The following VPS53 variants were observed in gnomAD, a reference collection of about 807,000 sequenced individuals.
VPS53 encodes vacuolar protein sorting-associated protein 53 homolog.
Under a neutral mutation model 107.0 loss-of-function variants are expected in VPS53, and 70 were observed. The observed-to-expected ratio is 0.65, with a 90% CI of 0.54 to 0.80. The LOEUF is 0.80. Among genes scored for constraint, VPS53 ranks in the 30% least tolerant of loss-of-function variants. The probability of loss-of-function intolerance (pLI) is 0.00; values close to 1 mark genes in which losing one functional copy is unlikely to be tolerated. For missense variants in VPS53, 917 were observed against 1,049.4 expected (o/e 0.87, Z 1.74); for synonymous variants, 409 against 393.3 (o/e 1.04, Z -0.47).
rs140945957 is a variant in VPS53 at position 523,946 on chromosome 17, G to C, written c.2086-2208C>G. ...TGCTGCTTTTCCTCGGAGGAACCCA[G>C]AACAAGCCTCTAAAGCATTCTAGGT... On this transcript the variant is annotated intron_variant, in intron 19 of 21. Transcript: ENST00000437048. 1.7e-4 allele frequency among the ~76,000 whole-genome samples: 26 copies of C among 152,266 alleles called. No homozygotes were observed. The East Asian group carries it at 4.1e-3, about 24-fold the overall frequency.
intron 7 of VPS53, among the ~76,000 whole-genome samples, chr17:639,124 T>G (rs1407283493): frequency 1.3e-5 from 2 of 152,206 alleles, no homozygotes; most frequent in Non-Finnish European, 2.9e-5. Flanking sequence ...TTCTTTTTAC[T>G]CTTTATTCTC....
intron 13 of VPS53, among the ~76,000 whole-genome samples, chr17:583,389 G>A (rs12948432): frequency 6.7e-6 from 1 of 148,540 alleles, no homozygotes; most frequent in African/African-American, 2.5e-5. Context: ...GACCTAATGC[G>A]TTCCCAGAGA....
intron 4 of VPS53, chr17:674,948 G>A (rs1004347403): frequency 6.6e-6 from 1 of 152,184 alleles, no homozygotes; most frequent in African/African-American, 2.4e-5. Flanking sequence ...CATGTGAATC[G>A]AGTAAATCAA....
chr17:628,806 G>A (rs1379160179), intron 8 of VPS53, among the ~76,000 whole-genome samples: 1 of 152,234 alleles, frequency 6.6e-6, no homozygotes, highest in Non-Finnish European at 1.5e-5. Context: ...GGCAGCCAAA[G>A]AGAAAATGCT....
chr17:619,969 C>T (rs917316496), intron 11 of VPS53, among the ~76,000 whole-genome samples: 4 of 151,622 alleles, frequency 2.6e-5, no homozygotes, highest in East Asian at 1.9e-4. Context: ...TACAGGCGTG[C>T]GCCACCACGC....
intron 13 of VPS53, among the ~76,000 whole-genome samples, chr17:578,454 C>T (rs1168344068): frequency 2.0e-5 from 3 of 150,822 alleles, no homozygotes; most frequent in Non-Finnish European, 4.4e-5. Context: ...TCCCTCAGAA[C>T]CTAATTCCTT....
At chr17:672,381 C>T (rs919559880) in intron 4 of VPS53, among the ~76,000 whole-genome samples, 1 of 152,096 alleles carries the variant, frequency 6.6e-6, no homozygotes, top group Non-Finnish European at 1.5e-5. Context: ...TCTTCTGCAA[C>T]CAAGAGAGTC....
intron 1 of VPS53, chr17:714,020 G>C (rs543041310): frequency 1.4e-4 from 21 of 149,302 alleles, no homozygotes; most frequent in African/African-American, 5.2e-4. Context: ...ACTCCAGCCC[G>C]GGCGACAGAG....
At chr17:699,414 G>A (rs763048406) in intron 2 of VPS53, 34 bp from the exon 3 acceptor site, 1 of 1,511,922 alleles carries the variant, frequency 6.6e-7, no homozygotes, top group Non-Finnish European at 8.8e-7. Flanking sequence ...CCAGCTGTTA[G>A]TCCACTTCCT....
At chr17:663,475 TG>T (rs1971556086) in intron 4 of VPS53, among the ~76,000 whole-genome samples, 3 of 152,078 alleles carry the variant, frequency 2.0e-5, no homozygotes, top group Admixed American at 2.0e-4. Flanking sequence ...CCCACAGACG[TG>T]TATCGACCAC....
At chr17:689,175 G>A (rs914004401) in intron 4 of VPS53, among the ~76,000 whole-genome samples, 4 of 152,196 alleles carry the variant, frequency 2.6e-5, no homozygotes, top group African/African-American at 9.7e-5. Flanking sequence ...GAGAGGATGA[G>A]AGAAAGGATC....
chr17:537,099 G>A lies in VPS53; in HGVS notation c.1944C>T (p.Asn648=), dbSNP rs202035474. Residue 648 remains asparagine, a synonymous_variant, in exon 18 of 22, where the codon AAC becomes AAT. Coordinates refer to ENST00000437048, the MANE Select transcript of VPS53 (RefSeq NM_001128159.3). ...VTSVILHIKQ[N]VPIIRDNLAS... is the part of the protein sequence containing the mutation. ...CCAGGTTGTCACGGATGATGGGGAC[G>A]TTCTGCTTGATGTGCAGAATGACAG... 8.2e-5 allele frequency: 133 copies of A among 1,614,196 alleles called. No individual in the cohort carries two copies. The highest frequency in any genetic ancestry group is 5.3e-4 in the East Asian group (24 of 44,874).
At chr17:537,384 G>C in intron 17 of VPS53, 2 of 580,372 alleles carry the variant, frequency 3.4e-6, no homozygotes, top group Non-Finnish European at 6.0e-6. Flanking sequence ...CCGACAGTGA[G>C]GTGTGACCCA....
At chr17:645,535 C>T (rs62056513) in intron 7 of VPS53, among the ~76,000 whole-genome samples, 11,825 of 152,212 alleles carry the variant, frequency 0.078, 577 homozygotes, top group Non-Finnish European at 0.11. Flanking sequence ...CTATGTTTTC[C>T]TTTTGTTGCC....
chr17:533,598 T>C (rs964495042), intron 18 of VPS53, among the ~76,000 whole-genome samples: 4 of 152,248 alleles, frequency 2.6e-5, no homozygotes, highest in African/African-American at 7.2e-5. Flanking sequence ...TCTCAGATCC[T>C]GTTCAACGGC....
chr17:531,213 G>A (rs1021732497), intron 19 of VPS53, among the ~76,000 whole-genome samples: 9 of 152,186 alleles, frequency 5.9e-5, no homozygotes, highest in Non-Finnish European at 8.8e-5. Flanking sequence ...TGTGAGAATC[G>A]TTCAGGGGCC....
intron 13 of VPS53, among the ~76,000 whole-genome samples, chr17:565,403 C>CAAAAAAAAAA (rs535932031): frequency 2.4e-5 from 2 of 82,530 alleles, no homozygotes; most frequent in Non-Finnish European, 4.5e-5. Flanking sequence ...AACCCCATCT[C>CAAAAAAAAAA]AAAAAAAAAA....
intron 11 of VPS53, among the ~76,000 whole-genome samples, chr17:616,842 C>T (rs1036726210): frequency 6.6e-6 from 1 of 152,228 alleles, no homozygotes; most frequent in Non-Finnish European, 1.5e-5. Context: ...GTTCCCTTAC[C>T]ACTTTTGGCC....
chr17:622,142 G>C (rs1197438677), intron 11 of VPS53, among the ~76,000 whole-genome samples: 2 of 151,986 alleles, frequency 1.3e-5, no homozygotes, highest in Non-Finnish European at 2.9e-5. Flanking sequence ...AACCTGGGAG[G>C]CAGAGGTTGC....
Sources: gnomAD v4.1 joint callset for allele counts (sites outside exome capture counted in the v4.1 genomes callset) on GRCh38, gnomAD v4.1.1 for gene constraint, MANE v1.5 for transcripts, NCBI Gene and HGNC (gene_info 2026-07-23, HGNC 2026-07-21) for gene names.